The following FLVCR1 variants were observed in gnomAD, a reference collection of about 807,000 sequenced individuals.
FLVCR1 encodes the protein FLVCR choline and heme transporter 1.
A neutral mutation model predicts 53.6 loss-of-function variants in FLVCR1; 34 were observed. That is an observed-to-expected ratio of 0.63 (90% CI 0.48 to 0.84). The LOEUF (loss-of-function observed/expected upper bound fraction) is 0.84, where lower values mean the gene tolerates loss of function less well. FLVCR1 is among the 40% of genes least tolerant of loss of function. The probability of loss-of-function intolerance (pLI) is 0.00; values close to 1 mark genes in which losing one functional copy is unlikely to be tolerated. For missense variants in FLVCR1, 677 were observed against 696.7 expected (o/e 0.97, Z 0.32); for synonymous variants, 300 against 286.3 (o/e 1.05, Z -0.48).
At chr1:212,874,196 A>G (rs542441714) in intron 3 of FLVCR1, among the ~76,000 whole-genome samples, 34 of 152,246 alleles carry the variant, frequency 2.2e-4, no homozygotes, top group Non-Finnish European at 3.7e-4. Flanking sequence ...TTTAGTAGAG[A>G]AGGGGTTTCA....
Position 212,858,806 on chromosome 1 carries a change from G to C in FLVCR1, c.354G>C (p.Ser118=), listed in dbSNP as rs752628417. Residue 118 remains serine, a synonymous_variant, in exon 1 of 10, where the codon TCG becomes TCC. Transcript: ENST00000366971. ...TGCTCCTGATCTTCAGCCTGTACTCGCTGGTCAACGCCTTTCAGTGGATCC... is the reference window on the plus strand; with the variant it reads ...TGCTCCTGATCTTCAGCCTGTACTCCCTGGTCAACGCCTTTCAGTGGATCC... The part of the protein sequence containing the change: ...FVVLLIFSLY[S]LVNAFQWIQY... 1 of 1,614,204 alleles carries C rather than the reference G, an allele frequency of 6.2e-7. No individual in the cohort carries two copies.
Position 212,868,661 on chromosome 1 carries a change from G to A in FLVCR1, c.884-4017G>A, listed in dbSNP as rs535925306. Among the ~76,000 whole-genome samples, 19 of 152,088 alleles carry A rather than the reference G, an allele frequency of 1.2e-4. No individual in the cohort carries two copies. The South Asian group carries it at 1.9e-3, about 15-fold the overall frequency. Reference sequence around the variant, plus strand: ...TGACCTCAGGTGATCCGCTTGTCTCGGCCTCCCAAAGTGCTGGGATTATAG... The same window carrying A: ...TGACCTCAGGTGATCCGCTTGTCTCAGCCTCCCAAAGTGCTGGGATTATAG... On this transcript the variant is annotated intron_variant, in intron 2 of 9. Transcript: ENST00000366971.
chr1:212,888,428 A>C, intron 6 of FLVCR1, 61 bp from the exon 7 acceptor site: 1 of 1,102,006 alleles, frequency 9.1e-7, no homozygotes, highest in Non-Finnish European at 1.4e-6. Flanking sequence ...GAATGATTGC[A>C]TCAGTATGTG....
intron 1 of FLVCR1, among the ~76,000 whole-genome samples, chr1:212,861,813 GCACCCGCCTCCA>G (rs1231020112): frequency 3.3e-5 from 5 of 152,086 alleles, no homozygotes; most frequent in Middle Eastern, 3.4e-3. Flanking sequence ...GGGACTACAG[GCACCCGCCTCCA>G]CACCCGGCTA....
At chr1:212,868,447 C>G (rs1664504499) in intron 2 of FLVCR1, among the ~76,000 whole-genome samples, 1 of 152,024 alleles carries the variant, frequency 6.6e-6, no homozygotes, top group African/African-American at 2.4e-5. Context: ...GAGTTTAGCT[C>G]TTGTTGCCCA....
Position 212,858,463 on chromosome 1 carries a change from C to T in FLVCR1, c.11C>T (p.Pro4Leu). 6.9e-7 allele frequency: 1 copy of T among 1,439,128 alleles called. No individual in the cohort carries two copies. The highest frequency in any genetic ancestry group is 9.1e-7 in the Non-Finnish European group (1 of 1,101,700). The allele number at this position is 1,439,128 out of a possible 1,614,324, so 89.1% of individuals were successfully genotyped here. The change falls in exon 1 of 10, where the codon CCA becomes CTA. Residue 4 changes from proline to leucine, a missense_variant. Coordinates refer to ENST00000366971, the MANE Select transcript of FLVCR1 (RefSeq NM_014053.4). ...CGGGGAGCCTGGGATATGGCGCGGC[C>T]AGACGATGAGGAGGGGGCGGCGGTG... The part of the protein sequence containing the change: MAR[P>L]DDEEGAAVAP...
At chr1:212,865,485 A>ATTTTTTTTTTTTTTTTTT (rs58544929) in intron 2 of FLVCR1, among the ~76,000 whole-genome samples, 1 of 133,654 alleles carries the variant, frequency 7.5e-6, no homozygotes, top group East Asian at 2.3e-4. Context: ...TGCAATAGGG[A>ATTTTTTTTTTTTTTTTTT]TTTTTTTTTT....
intron 3 of FLVCR1, among the ~76,000 whole-genome samples, chr1:212,877,525 T>C (rs931100352): frequency 6.6e-6 from 1 of 152,126 alleles, no homozygotes; most frequent in Non-Finnish European, 1.5e-5. Context: ...GAATGTCTTT[T>C]GAGAAGTGTT....
rs1665409670 is a variant in FLVCR1 at position 212,899,075 on chromosome 1, A to G, written c.*3785A>G. On this transcript the variant is annotated 3_prime_UTR_variant, in exon 10 of 10. Coordinates refer to ENST00000366971, the MANE Select transcript of FLVCR1 (RefSeq NM_014053.4). ...TTTTCAGAAAATGGAATAGGTAATCATCACTTGTGTGAATTTTAATCAAAT... is the reference window on the plus strand; with the variant it reads ...TTTTCAGAAAATGGAATAGGTAATCGTCACTTGTGTGAATTTTAATCAAAT... 1 of 152,260 alleles carries G rather than the reference A, an allele frequency of 6.6e-6. No homozygotes were observed. Among genetic ancestry groups the G allele is most frequent in the South Asian group, 2.1e-4 (1 of 4,836 alleles). The allele number at this position is 152,260 out of a possible 1,614,324, so 9.4% of individuals were successfully genotyped here. A position where few individuals can be genotyped will look rare whatever the true frequency, so the allele number is the denominator to read the frequency against.
chr1:212,890,988 C>CTGG (rs1665176976), intron 8 of FLVCR1, among the ~76,000 whole-genome samples: 1 of 152,116 alleles, frequency 6.6e-6, no homozygotes, highest in African/African-American at 2.4e-5. Context: ...TCCCCCTGTC[C>CTGG]AGTTAGTAAA....
chr1:212,869,042 C>T (rs565415971), intron 2 of FLVCR1, among the ~76,000 whole-genome samples: 1 of 152,270 alleles, frequency 6.6e-6, no homozygotes, highest in South Asian at 2.1e-4. Context: ...ATGCCTGAAT[C>T]ACACAGGGAC....
rs551871324 is a variant in FLVCR1 at position 212,894,137 on chromosome 1, G to A, written c.1526-849G>A. The stretch of plus-strand genomic sequence containing the variant: ...TTTTTTTTTTAGACATAATGCTATT[G>A]CAAACTTTAAATAGACTACAGTATA... On this transcript the variant is annotated intron_variant, in intron 8 of 9. Coordinates refer to ENST00000366971, the MANE Select transcript of FLVCR1 (RefSeq NM_014053.4). Among the ~76,000 whole-genome samples, 3 of 150,382 alleles carry A rather than the reference G, an allele frequency of 2.0e-5. No individual in the cohort carries two copies. In the South Asian group the frequency reaches 6.3e-4, roughly 32 times the overall value.
Position 212,872,893 on chromosome 1 carries a change from A to G in FLVCR1, c.1024+75A>G, listed in dbSNP as rs1258954220. ...ATTGTGGATTCTTTTCATTTAACCT[A>G]GTGGTTTGAACTTCAATGAGATTGG... is the stretch of plus-strand genomic sequence containing the variant. On this transcript the variant is annotated intron_variant, in intron 3 of 9. Coordinates refer to ENST00000366971, the MANE Select transcript of FLVCR1 (RefSeq NM_014053.4). The G allele has an allele frequency of 5.9e-5, 91 of 1,545,256 alleles. 1 individual carries two copies. The Admixed American group carries it at 1.2e-3, about 20-fold the overall frequency.
chr1:212,883,028 G>A (rs184712238), intron 3 of FLVCR1, among the ~76,000 whole-genome samples: 6 of 152,306 alleles, frequency 3.9e-5, no homozygotes, highest in East Asian at 1.9e-4. Context: ...TACATTGTAG[G>A]AATTCAGTAA....
At chr1:212,887,576 C>T (rs1183535673) in intron 5 of FLVCR1, among the ~76,000 whole-genome samples, 1 of 152,108 alleles carries the variant, frequency 6.6e-6, no homozygotes, top group Non-Finnish European at 1.5e-5. Flanking sequence ...TTACAGAAGG[C>T]ATTTGGAAGA....
At position 212,888,013 on chromosome 1, in the gene FLVCR1, ATG is replaced by A; in HGVS notation, c.1307+16_1307+17del. 7.1e-7 allele frequency: 1 copy of A among 1,412,854 alleles called. No individual in the cohort carries two copies. Among genetic ancestry groups the A allele is most frequent in the Non-Finnish European group, 1.0e-6 (1 of 996,556 alleles). The allele number at this position is 1,412,854 out of a possible 1,614,324, so 87.5% of individuals were successfully genotyped here. On this transcript the variant is annotated intron_variant, in intron 6 of 9. Coordinates refer to ENST00000366971, the MANE Select transcript of FLVCR1 (RefSeq NM_014053.4). ...GGAGGGGTGCTTGGGTAAGTATCAG[ATG>A]TGTTTAGGAGGAATGATAGCATGCT...
chr1:212,858,326 C>T lies in FLVCR1; in HGVS notation c.-127C>T, dbSNP rs979404283. ...GCGGATTGCGGTTCGCGGCGCGCGC[C>T]ACCGGGGAAGGAGCGGTGGGCCGAG... is the stretch of plus-strand genomic sequence containing the variant. On this transcript the variant is annotated 5_prime_UTR_variant, in exon 1 of 10. Transcript: ENST00000366971. 2 of 961,358 alleles carry T rather than the reference C, an allele frequency of 2.1e-6. No individual in the cohort carries two copies. The highest frequency in any genetic ancestry group is 1.7e-5 in the African/African-American group (1 of 58,616). 59.6% of individuals were successfully genotyped at this position (961,358 alleles called of 1,614,324 possible).
rs1281863264 is a variant in FLVCR1 at position 212,893,076 on chromosome 1, G to GC, written c.1526-1908dup. ...TGCTTCTTTTTTTTTGGGGGGGGGT[G>GC]CCGGAATGTTGCTGTGTTGCCCAGG... On this transcript the variant is annotated intron_variant, in intron 8 of 9. Transcript: ENST00000366971. Among the ~76,000 whole-genome samples the GC allele has an allele frequency of 3.0e-4, 24 of 79,124 alleles. No homozygotes were observed. In the East Asian group the frequency reaches 0.01, roughly 34 times the overall value. The allele number at this position is 79,124 out of a possible 152,430, so 51.9% of individuals were successfully genotyped here. A position where few individuals can be genotyped will look rare whatever the true frequency, so the allele number is the denominator to read the frequency against.
chr1:212,863,814 C>A lies in FLVCR1; in HGVS notation c.828C>A (p.Thr276=). 1 of 1,613,622 alleles carries A rather than the reference C, an allele frequency of 6.2e-7. No individual in the cohort carries two copies. The highest frequency in any genetic ancestry group is 8.5e-7 in the Non-Finnish European group (1 of 1,179,572). The change falls in exon 2 of 10, where the codon ACC becomes ACA. Residue 276 remains threonine (T), a synonymous_variant. Transcript: ENST00000366971. ...ATCTCCTGGCTTGTAATATCAGCAC[C>A]ATGTTTTATGGAACATCAGCTGTTG... ...DTNLLACNIS[T]MFYGTSAVAT... is the part of the protein sequence containing the mutation.
Sources: gnomAD v4.1 joint callset for allele counts (sites outside exome capture counted in the v4.1 genomes callset) on GRCh38, gnomAD v4.1.1 for gene constraint, MANE v1.5 for transcripts, NCBI Gene and HGNC (gene_info 2026-07-23, HGNC 2026-07-21) for gene names.